Variants in PIAS1 observed in about 807,000 individuals in gnomAD.
The protein encoded by PIAS1 is E3 SUMO-protein ligase PIAS1.
In PIAS1, 6 loss-of-function variants were observed where a neutral mutation model predicts 71.3. The ratio of observed to expected loss-of-function variants is 0.08; its 90% CI spans 0.05 to 0.17. The LOEUF (loss-of-function observed/expected upper bound fraction) is 0.17, where lower values mean the gene tolerates loss of function less well. Ranked by LOEUF, PIAS1 falls within the 10% of genes least tolerant of loss-of-function variation. PIAS1 has a pLI of 1.00. For synonymous variants in PIAS1, 303 were observed against 292.9 expected, an observed-to-expected ratio of 1.03 and a Z score of -0.35; for missense variants, 555 against 793.6, an observed-to-expected ratio of 0.70 and a Z score of 3.61.
At chr15:68,161,809 A>C (rs1256039917) in intron 7 of PIAS1, among the ~76,000 whole-genome samples, 1 of 151,902 alleles carries the variant, frequency 6.6e-6, no homozygotes, top group Non-Finnish European at 1.5e-5. Context: ...GCACACCTCT[A>C]ATCCCAGCTA....
Position 68,186,681 on chromosome 15 carries a change from C to T in PIAS1, c.1663-861C>T, listed in dbSNP as rs1567083219. Among the ~76,000 whole-genome samples the T allele has an allele frequency of 6.6e-6, 1 of 152,222 alleles. No homozygotes were observed. Among genetic ancestry groups the T allele is most frequent in the Admixed American group, 6.5e-5 (1 of 15,288 alleles). ...CTGCAGGCTCCATTCATGGTAAGTGCCCTATACAGGTGTATCATTTTTTTA... is the reference window on the plus strand; with the variant it reads ...CTGCAGGCTCCATTCATGGTAAGTGTCCTATACAGGTGTATCATTTTTTTA... On this transcript the variant is annotated intron_variant, in intron 13 of 13. Transcript: ENST00000249636. This position sits in a 1 kb window ranked among gnomAD's most constrained non-coding sequence, Gnocchi z 4.4.
intron 7 of PIAS1, among the ~76,000 whole-genome samples, chr15:68,154,902 C>T (rs1174531756): frequency 1.3e-5 from 2 of 152,164 alleles, no homozygotes; most frequent in Non-Finnish European, 2.9e-5. Context: ...TATAAGATAA[C>T]TTGTCTTCTA....
At chr15:68,151,683 AACACACAC>A (rs754171390) in intron 6 of PIAS1, among the ~76,000 whole-genome samples, 1 of 134,760 alleles carries the variant, frequency 7.4e-6, no homozygotes, top group African/African-American at 2.8e-5. Flanking sequence ...AAAAAAACAA[AACACACAC>A]ACACACACAC....
At position 68,066,197 on chromosome 15, in the gene PIAS1, A is replaced by G. The variant is rs372159036; in HGVS notation, c.24+11847A>G. On this transcript the variant is annotated intron_variant, in intron 1 of 13. Transcript: ENST00000249636. ...TGCAGTGACATGATCTCGGCTCACCACAACCTCCGCCTCCTGGATTCAAGC... is the reference window on the plus strand; with the variant it reads ...TGCAGTGACATGATCTCGGCTCACCGCAACCTCCGCCTCCTGGATTCAAGC... Among the ~76,000 whole-genome samples the G allele has an allele frequency of 1.1e-3, 168 of 151,768 alleles. 1 individual carries two copies. The highest frequency in any genetic ancestry group is 3.9e-3 in the African/African-American group (163 of 41,360).
At chr15:68,103,777 C>T (rs896581572) in intron 2 of PIAS1, among the ~76,000 whole-genome samples, 10 of 152,052 alleles carry the variant, frequency 6.6e-5, no homozygotes, top group East Asian at 3.8e-4. Context: ...TTGTATGTGC[C>T]GAAACTTTGT....
chr15:68,055,832 T>C, intron 1 of PIAS1: 1 of 680,830 alleles, frequency 1.5e-6, no homozygotes, highest in East Asian at 2.7e-5. Flanking sequence ...TCTGTAGAGT[T>C]TTTCCTGTGG....
At chr15:68,076,879 G>A (rs1025535883) in intron 1 of PIAS1, among the ~76,000 whole-genome samples, 54 of 152,102 alleles carry the variant, frequency 3.6e-4, no homozygotes, top group African/African-American at 1.3e-3. Context: ...AAAATCTATG[G>A]GAGGACATAA....
At chr15:68,148,277 A>G (rs2092822157) in intron 6 of PIAS1, among the ~76,000 whole-genome samples, 1 of 152,172 alleles carries the variant, frequency 6.6e-6, no homozygotes, top group Admixed American at 6.5e-5. Context: ...GCCCAGTGGT[A>G]GGAGTGAGCC....
Position 68,134,311 on chromosome 15 carries a change from C to T in PIAS1, c.470-7635C>T, listed in dbSNP as rs753209320. On this transcript the variant is annotated intron_variant, in intron 2 of 13. Coordinates refer to ENST00000249636, the MANE Select transcript of PIAS1 (RefSeq NM_016166.3). ...GCTCCTCACATCCCAGTAGGGGCGG[C>T]CGGGCAGAGGCGCCCCTCATCTCCC... 3.8e-3 allele frequency among the ~76,000 whole-genome samples: 115 copies of T among 30,110 alleles called. 11 individuals are homozygous for T. Among genetic ancestry groups the T allele is most frequent in the African/African-American group, 7.1e-3 (108 of 15,288 alleles). The allele number at this position is 30,110 out of a possible 152,430, so 19.8% of individuals were successfully genotyped here.
At chr15:68,120,753 C>A (rs1365864657) in intron 2 of PIAS1, among the ~76,000 whole-genome samples, 3 of 152,130 alleles carry the variant, frequency 2.0e-5, no homozygotes, top group Non-Finnish European at 4.4e-5. Flanking sequence ...CTCCCGAATT[C>A]AAGTGATTCT....
intron 1 of PIAS1, among the ~76,000 whole-genome samples, chr15:68,073,636 G>A (rs2140968284): frequency 6.6e-6 from 1 of 152,212 alleles, no homozygotes; most frequent in African/African-American, 2.4e-5. Flanking sequence ...TAAAAGGCTG[G>A]GATAGGAGGG....
At chr15:68,148,791 T>C (rs1481217089) in intron 6 of PIAS1, among the ~76,000 whole-genome samples, 1 of 152,164 alleles carries the variant, frequency 6.6e-6, no homozygotes, top group Non-Finnish European at 1.5e-5. Flanking sequence ...GATCACTCCT[T>C]GGAGTGGTAA....
intron 7 of PIAS1, among the ~76,000 whole-genome samples, chr15:68,162,402 G>C (rs1273426352): frequency 6.6e-6 from 1 of 152,174 alleles, no homozygotes; most frequent in Admixed American, 6.5e-5. Context: ...GGGATGGTTG[G>C]TGAAGGCATG....
Position 68,174,021 on chromosome 15 carries a change from A to C in PIAS1, c.1169+129A>C, listed in dbSNP as rs571850386. ...GATTTTTGTGAGTCTGCAAACCAAT[A>C]TTTTCAAAGTAATTTATTTCAAATT... On this transcript the variant is annotated intron_variant, in intron 9 of 13. Transcript: ENST00000249636. This position sits in a 1 kb window ranked among gnomAD's most constrained non-coding sequence, Gnocchi z 4.0. 2.1e-6 allele frequency: 1 copy of C among 473,912 alleles called. No individual in the cohort carries two copies. Among genetic ancestry groups the C allele is most frequent in the South Asian group, 8.9e-5 (1 of 11,174 alleles). The allele number at this position is 473,912 out of a possible 1,614,324, so 29.4% of individuals were successfully genotyped here.
intron 2 of PIAS1, among the ~76,000 whole-genome samples, chr15:68,091,933 C>T (rs932869584): frequency 6.6e-6 from 1 of 152,182 alleles, no homozygotes; most frequent in African/African-American, 2.4e-5. Context: ...TTTCTTACCA[C>T]CATGAAGTTG....
intron 7 of PIAS1, among the ~76,000 whole-genome samples, chr15:68,162,752 T>G (rs988756205): frequency 6.6e-6 from 1 of 152,174 alleles, no homozygotes; most frequent in Admixed American, 6.5e-5. Context: ...TGGAATTCTT[T>G]CTTTTTAAAG....
chr15:68,170,750 C>T (rs908127142), intron 8 of PIAS1, among the ~76,000 whole-genome samples: 2 of 152,162 alleles, frequency 1.3e-5, no homozygotes, highest in African/African-American at 4.8e-5. Context: ...AAGCGATTCT[C>T]CTGCCTCAGC....
rs1387660325 is a variant in PIAS1, at chr15:68,185,544, G to A, written c.1662+1877G>A. On this transcript the variant is annotated intron_variant, in intron 13 of 13. Coordinates refer to ENST00000249636, the MANE Select transcript of PIAS1 (RefSeq NM_016166.3). The surrounding 1 kb of genome is among the most constrained non-coding windows in gnomAD (Gnocchi z 4.4). ...GTTGGAACTGGAACAGGAACACGCA[G>A]CTGAAGAAGGTGCAAGAGAAAAGGA... Among the ~76,000 whole-genome samples the A allele has an allele frequency of 6.6e-6, 1 of 152,228 alleles. No homozygotes were observed. The highest frequency in any genetic ancestry group is 1.5e-5 in the Non-Finnish European group (1 of 68,048).
chr15:68,179,564 C>CTGTTTTTTTTTTTTTTTT (rs2093040078), intron 11 of PIAS1, among the ~76,000 whole-genome samples: 1 of 40,092 alleles, frequency 2.5e-5, no homozygotes, highest in Non-Finnish European at 4.4e-5. Flanking sequence ...GTGAAATGTT[C>CTGTTTTTTTTTTTTTTTT]TTTTTTTTTT....
Sources: allele counts gnomAD v4.1 joint callset (sites outside exome capture counted in the v4.1 genomes callset), GRCh38; gene constraint gnomAD v4.1.1; non-coding constraint Gnocchi (gnomAD v3.1); transcripts MANE v1.5; gene names NCBI Gene and HGNC (gene_info 2026-07-23, HGNC 2026-07-21).